SCN11A: variants seen among roughly 807,000 people sequenced by gnomAD.
SCN11A encodes sodium channel protein type 11 subunit alpha.
A neutral mutation model predicts 162.2 loss-of-function variants in SCN11A; 122 were observed. That is an observed-to-expected ratio of 0.75 (90% CI 0.65 to 0.87). The LOEUF (loss-of-function observed/expected upper bound fraction) is 0.87. Ranked by LOEUF, SCN11A falls within the 40% of genes least tolerant of loss-of-function variation. The pLI is 0.00. For synonymous variants in SCN11A, 758 were observed against 751.5 expected (o/e 1.01, Z -0.14); for missense variants, 2,015 against 2,181.6 (o/e 0.92, Z 1.52).
chr3:38,984,486 C>T (rs573279009), intron 2 of SCN11A, among the ~76,000 whole-genome samples: 12 of 151,350 alleles, frequency 7.9e-5, no homozygotes, highest in African/African-American at 1.2e-4. Context: ...CAAGGAAAGC[C>T]TTTCTGAGGA....
chr3:38,976,576 G>A (rs1013129221), intron 2 of SCN11A, among the ~76,000 whole-genome samples: 6 of 152,090 alleles, frequency 3.9e-5, no homozygotes, highest in Admixed American at 2.0e-4. Context: ...ATGCTCAACC[G>A]GCCTGCAAAT....
chr3:38,963,881 T>C (rs369940185), intron 2 of SCN11A, among the ~76,000 whole-genome samples: 2 of 152,188 alleles, frequency 1.3e-5, no homozygotes, highest in East Asian at 3.9e-4. Flanking sequence ...AGAAAAATTT[T>C]AAAAAATTAA....
chr3:38,932,788 G>C (rs2066264386), intron 7 of SCN11A, among the ~76,000 whole-genome samples: 1 of 152,168 alleles, frequency 6.6e-6, no homozygotes, highest in Non-Finnish European at 1.5e-5. Flanking sequence ...CCACCTCTGG[G>C]GGCAGGGCAC....
intron 23 of SCN11A, among the ~76,000 whole-genome samples, chr3:38,876,664 A>G (rs1559501175): frequency 6.6e-6 from 1 of 152,116 alleles, no homozygotes; most frequent in Non-Finnish European, 1.5e-5. Flanking sequence ...ATGTGATACC[A>G]CCTTACTCCT....
At chr3:38,952,591 A>G (rs2066635424) in intron 4 of SCN11A, among the ~76,000 whole-genome samples, 1 of 152,230 alleles carries the variant, frequency 6.6e-6, no homozygotes, top group Non-Finnish European at 1.5e-5. Context: ...AGACAAAGAC[A>G]GGAAACTAAA....
chr3:38,850,505 C>T lies in SCN11A; in HGVS notation c.4303G>A (p.Val1435Met), dbSNP rs1475256863. 6.2e-7 allele frequency: 1 copy of T among 1,613,646 alleles called. No individual in the cohort carries two copies. The highest frequency in any genetic ancestry group is 2.2e-5 in the East Asian group (1 of 44,844). ...CTAACAATGGAAAGAAGCACGACCA[C>T]ACAGTCAAATAAATTCCAGCCATTG... is the stretch of plus-strand genomic sequence containing the variant. ...FTNGWNLFDC[V>M]VVLLSIVSTM... The change falls in exon 29 of 30, where the codon GTG becomes ATG. Residue 1435 changes from valine to methionine, a missense_variant. Coordinates refer to ENST00000302328, the MANE Select transcript of SCN11A (RefSeq NM_001349253.2).
intron 7 of SCN11A, among the ~76,000 whole-genome samples, chr3:38,936,485 C>G (rs2066333904): frequency 6.6e-6 from 1 of 151,278 alleles, no homozygotes; most frequent in Non-Finnish European, 1.5e-5. Flanking sequence ...TGTCTCAGCC[C>G]AAAATCTCCT....
chr3:38,951,265 G>T (rs974064188), intron 4 of SCN11A, among the ~76,000 whole-genome samples: 2 of 152,218 alleles, frequency 1.3e-5, no homozygotes, highest in African/African-American at 4.8e-5. Flanking sequence ...TGGCCCTGCC[G>T]GCCCGGGCAG....
intron 2 of SCN11A, among the ~76,000 whole-genome samples, chr3:38,975,355 T>C (rs184856463): frequency 5.9e-5 from 9 of 152,212 alleles, no homozygotes; most frequent in African/African-American, 2.2e-4. Flanking sequence ...AAGTTAATAA[T>C]AACATTAACA....
chr3:39,026,159 A>G (rs1297055598), intron 2 of SCN11A: 2 of 152,228 alleles, frequency 1.3e-5, no homozygotes, highest in Non-Finnish European at 2.9e-5. Context: ...AATCCTTTCA[A>G]CCTTAAATAT....
At chr3:38,907,861 A>G (rs1347075846) in intron 14 of SCN11A, 88 bp downstream of exon 14, 5 of 1,153,028 alleles carry the variant, frequency 4.3e-6, no homozygotes, top group Non-Finnish European at 5.0e-6. Context: ...GAGTAACTGA[A>G]TAAATGAATT....
chr3:38,908,858 T>A, intron 13 of SCN11A, 139 bp downstream of exon 13: 1 of 723,570 alleles, frequency 1.4e-6, no homozygotes, highest in Non-Finnish European at 2.4e-6. Flanking sequence ...TCGAGGGACT[T>A]ATATTCTCAG....
intron 28 of SCN11A, among the ~76,000 whole-genome samples, chr3:38,859,092 T>G (rs537139506): frequency 1.5e-3 from 224 of 151,712 alleles, no homozygotes; most frequent in African/African-American, 5.0e-3. Context: ...TCACAGACAA[T>G]CTAAGGTCAG....
intron 2 of SCN11A, among the ~76,000 whole-genome samples, chr3:38,983,292 A>G (rs1282305589): frequency 6.6e-6 from 1 of 152,146 alleles, no homozygotes; most frequent in Non-Finnish European, 1.5e-5. Context: ...GCCATTCTTC[A>G]ATATTCAGAC....
At chr3:38,941,410 T>C (rs2066441117) in intron 7 of SCN11A, among the ~76,000 whole-genome samples, 1 of 152,156 alleles carries the variant, frequency 6.6e-6, no homozygotes, top group Non-Finnish European at 1.5e-5. Context: ...TAAAGGAAGT[T>C]GTTCAGGCTA....
intron 1 of SCN11A, among the ~76,000 whole-genome samples, chr3:39,039,689 C>T (rs1015535807): frequency 6.6e-6 from 1 of 152,186 alleles, no homozygotes; most frequent in African/African-American, 2.4e-5. Context: ...CCTGGCCAGC[C>T]ACCTGGTACC....
chr3:38,976,827 C>T lies in SCN11A; in HGVS notation c.-279-16404G>A, dbSNP rs140673204. The stretch of plus-strand genomic sequence containing the variant: ...ATCATGCCCAGCAATTCAGCTTTCT[C>T]CCGTCCCCCTACCCAAACCCAGTCA... On this transcript the variant is annotated intron_variant, in intron 2 of 29. Transcript: ENST00000302328. Among the ~76,000 whole-genome samples, 133 of 152,310 alleles carry T rather than the reference C, an allele frequency of 8.7e-4. 1 individual carries two copies. The highest frequency in any genetic ancestry group is 3.2e-3 in the African/African-American group (131 of 41,574).
intron 5 of SCN11A, among the ~76,000 whole-genome samples, chr3:38,948,970 T>G (rs1011642465): frequency 6.6e-6 from 1 of 152,232 alleles, no homozygotes; most frequent in African/African-American, 2.4e-5. Context: ...TCCCCCTTGC[T>G]TGTCCTTCCT....
At chr3:38,949,890 C>G (rs959193083) in intron 5 of SCN11A, among the ~76,000 whole-genome samples, 1 of 152,106 alleles carries the variant, frequency 6.6e-6, no homozygotes, top group African/African-American at 2.4e-5. Flanking sequence ...ATCTTCTCCT[C>G]TAATACATGC....
Sources: allele counts gnomAD v4.1 joint callset (sites outside exome capture counted in the v4.1 genomes callset), GRCh38; gene constraint gnomAD v4.1.1; transcripts MANE v1.5; gene names NCBI Gene and HGNC (gene_info 2026-07-23, HGNC 2026-07-21).